Variants in SLC14A2 observed in about 807,000 individuals in gnomAD.
SLC14A2 encodes urea transporter 2.
SLC14A2 carries 91 observed loss-of-function variants against 104.6 expected under a neutral mutation model. That is an observed-to-expected ratio of 0.87 (90% CI 0.73 to 1.04). SLC14A2 has a LOEUF of 1.04. SLC14A2 is among the 50% of genes least tolerant of loss of function. SLC14A2 has a pLI of 0.00. For synonymous variants in SLC14A2, 476 were observed against 466.4 expected, an observed-to-expected ratio of 1.02 and a Z score of -0.27; for missense variants, 1,189 against 1,156.0, an observed-to-expected ratio of 1.03 and a Z score of -0.41.
chr18:45,240,614 C>G (rs1362890832), intron 1 of SLC14A2, among the ~76,000 whole-genome samples: 1 of 149,160 alleles, frequency 6.7e-6, no homozygotes, highest in East Asian at 2.0e-4. Context: ...TTCCTAGGGT[C>G]TTGGAGGGAG....
chr18:45,184,426 T>C, the SLC14A2 span, among the ~76,000 whole-genome samples: 5 of 152,170 alleles, frequency 3.3e-5, no homozygotes. Context: ...TCTACAACAA[T>C]GTCATCACCA....
At chr18:45,239,901 T>C (rs1029250411) in intron 1 of SLC14A2, among the ~76,000 whole-genome samples, 2 of 152,192 alleles carry the variant, frequency 1.3e-5, no homozygotes, top group Admixed American at 6.5e-5. Context: ...TTATTTTACT[T>C]ACCATCATGT....
chr18:45,218,276 G>T (rs969442656), intron 1 of SLC14A2, among the ~76,000 whole-genome samples: 2 of 152,012 alleles, frequency 1.3e-5, no homozygotes, highest in African/African-American at 4.8e-5. Flanking sequence ...TTGTTCTTTT[G>T]TTCTAGCTTA....
intron 2 of SLC14A2, among the ~76,000 whole-genome samples, chr18:45,530,238 A>G (rs1032970465): frequency 1.3e-5 from 2 of 152,178 alleles, no homozygotes; most frequent in Non-Finnish European, 2.9e-5. Flanking sequence ...AGCGAATCTC[A>G]TTAACAATAA....
intron 10 of SLC14A2, among the ~76,000 whole-genome samples, chr18:45,649,258 C>T (rs2045687046): frequency 1.3e-5 from 2 of 152,060 alleles, no homozygotes; most frequent in Admixed American, 1.3e-4. Flanking sequence ...TGACAAGATA[C>T]CCCATTTCTC....
chr18:45,544,033 C>T (rs867863690), intron 2 of SLC14A2, among the ~76,000 whole-genome samples: 1 of 152,354 alleles, frequency 6.6e-6, no homozygotes, highest in Middle Eastern at 3.4e-3. Flanking sequence ...GAATTAAGCA[C>T]ATCTTATGTG....
intron 1 of SLC14A2, among the ~76,000 whole-genome samples, chr18:45,410,424 G>T (rs2086202625): frequency 6.6e-6 from 1 of 152,098 alleles, no homozygotes; most frequent in South Asian, 2.1e-4. Flanking sequence ...ATTAGGTTTA[G>T]TAGCATTTAC....
At chr18:45,453,136 G>A (rs1351080637) in intron 1 of SLC14A2, among the ~76,000 whole-genome samples, 1 of 152,124 alleles carries the variant, frequency 6.6e-6, no homozygotes, top group Non-Finnish European at 1.5e-5. Context: ...TTTTTCACTT[G>A]GAAATTCAGA....
chr18:45,669,911 T>G (rs2046100667), intron 16 of SLC14A2, among the ~76,000 whole-genome samples: 1 of 152,236 alleles, frequency 6.6e-6, no homozygotes, highest in Non-Finnish European at 1.5e-5. Context: ...GTCGTACACA[T>G]CATGCTACCA....
chr18:45,437,659 T>C (rs2086618929), intron 1 of SLC14A2, among the ~76,000 whole-genome samples: 1 of 152,156 alleles, frequency 6.6e-6, no homozygotes, highest in African/African-American at 2.4e-5. Flanking sequence ...GCAGTTGTTG[T>C]GTTGTGTGCT....
At chr18:45,388,284 G>A (rs1276503004) in intron 1 of SLC14A2, among the ~76,000 whole-genome samples, 14 of 151,878 alleles carry the variant, frequency 9.2e-5, no homozygotes, top group African/African-American at 2.9e-4. Flanking sequence ...GGTTAGTCTC[G>A]ATCTCCTGAC....
intron 2 of SLC14A2, chr18:45,529,645 A>C (rs1467736232): frequency 6.6e-6 from 1 of 152,158 alleles, no homozygotes; most frequent in African/African-American, 2.4e-5. Flanking sequence ...TTGAGGCCCA[A>C]GACTTAGGGT....
At chr18:45,557,397 G>T (rs544524603) in intron 2 of SLC14A2, among the ~76,000 whole-genome samples, 1 of 152,214 alleles carries the variant, frequency 6.6e-6, no homozygotes, top group Non-Finnish European at 1.5e-5. Context: ...AGGCTGCCAG[G>T]CTCCATTAAT....
intron 2 of SLC14A2, among the ~76,000 whole-genome samples, chr18:45,492,496 T>C (rs2043019657): frequency 2.0e-5 from 3 of 152,120 alleles, no homozygotes; most frequent in Admixed American, 2.0e-4. Flanking sequence ...TCAGATCTCA[T>C]GAGAATTCAC....
Position 45,361,608 on chromosome 18 carries a change from A to G in SLC14A2, c.-124-121625A>G, listed in dbSNP as rs190175133. 2.0e-3 allele frequency among the ~76,000 whole-genome samples: 301 copies of G among 152,300 alleles called. 3 individuals carry two copies. Among genetic ancestry groups the G allele is most frequent in the Admixed American group, 0.017 (266 of 15,306 alleles). Reference sequence around the variant, plus strand: ...ACTTTGTTGTATGCAGAGTCCCTGAAGCAACCCCAAGTGGCCCCAGAACTC... The same window carrying G: ...ACTTTGTTGTATGCAGAGTCCCTGAGGCAACCCCAAGTGGCCCCAGAACTC... On this transcript the variant is annotated intron_variant, in intron 1 of 20. Coordinates refer to the SLC14A2 transcript ENST00000586448.
intron 2 of SLC14A2, among the ~76,000 whole-genome samples, chr18:45,487,153 G>C (rs377257350): frequency 5.9e-5 from 9 of 152,320 alleles, no homozygotes; most frequent in African/African-American, 2.2e-4. Flanking sequence ...CTCCTTTCTG[G>C]AGACTCTGAA....
intron 6 of SLC14A2, among the ~76,000 whole-genome samples, chr18:45,637,406 A>C (rs1458611015): frequency 6.6e-6 from 1 of 152,226 alleles, no homozygotes; most frequent in Non-Finnish European, 1.5e-5. Context: ...AGATACTGAT[A>C]ATACAAGACA....
chr18:45,328,242 G>A, intron 1 of SLC14A2, among the ~76,000 whole-genome samples: 1 of 152,160 alleles, frequency 6.6e-6, no homozygotes, highest in East Asian at 1.9e-4. Context: ...GAAGGTGCTT[G>A]TGTCTGCAGA....
intron 2 of SLC14A2, among the ~76,000 whole-genome samples, chr18:45,493,675 C>G (rs555567139): frequency 6.6e-6 from 1 of 152,342 alleles, no homozygotes; most frequent in East Asian, 1.9e-4. Flanking sequence ...TGGAATAATT[C>G]TAGTCCTCTA....
Sources: allele counts gnomAD v4.1 joint callset (sites outside exome capture counted in the v4.1 genomes callset), GRCh38; gene constraint gnomAD v4.1.1; transcripts MANE v1.5; gene names NCBI Gene and HGNC (gene_info 2026-07-23, HGNC 2026-07-21).